The following PCDH11X variants were observed in gnomAD, a reference collection of about 807,000 sequenced individuals.
PCDH11X encodes protocadherin 11 X-linked.
PCDH11X carries 18 observed loss-of-function variants against 53.3 expected under a neutral mutation model. That is an observed-to-expected ratio of 0.34 (90% CI 0.23 to 0.50). The LOEUF (loss-of-function observed/expected upper bound fraction) is 0.50, where lower values mean the gene tolerates loss of function less well. Among genes scored for constraint, PCDH11X ranks in the 20% least tolerant of loss-of-function variants. The pLI is 0.98. For missense variants in PCDH11X, 570 were observed against 1,032.4 expected (o/e 0.55, Z 6.14); for synonymous variants, 279 against 393.3 (o/e 0.71, Z 3.44).
intron 4 of PCDH11X, among the ~76,000 whole-genome samples, chrX:91,827,037 A>G (rs1256035927): frequency 1.8e-5 from 2 of 111,396 alleles, no homozygotes; most frequent in Admixed American, 1.9e-4. Flanking sequence ...AGGAATCACT[A>G]TGCTGCTTCC....
intron 8 of PCDH11X, among the ~76,000 whole-genome samples, chrX:92,269,383 A>C (rs76307201): frequency 0.071 from 7,898 of 111,792 alleles, 478 homozygotes; most frequent in East Asian, 0.28. Flanking sequence ...AATAGTACTA[A>C]GTTTCAGTTG....
chrX:91,918,956 G>A (rs1445557699), intron 6 of PCDH11X, among the ~76,000 whole-genome samples: 1 of 111,138 alleles, frequency 9.0e-6, no homozygotes, highest in African/African-American at 3.3e-5. Flanking sequence ...CTTTTCCTTG[G>A]GCAGTCTAGC....
At chrX:91,971,448 T>C (rs1394175364) in intron 6 of PCDH11X, among the ~76,000 whole-genome samples, 3 of 108,704 alleles carry the variant, frequency 2.8e-5, no homozygotes, top group Non-Finnish European at 3.8e-5. Context: ...GGGAACTATA[T>C]CAGTTGCATA....
chrX:92,272,126 G>A (rs2067974392), intron 8 of PCDH11X, among the ~76,000 whole-genome samples: 1 of 111,542 alleles, frequency 9.0e-6, no homozygotes, highest in Non-Finnish European at 1.9e-5. Context: ...TTAGATGTCT[G>A]CTTTTTTTAT....
intron 6 of PCDH11X, chrX:92,113,149 G>T: frequency 1.2e-6 from 1 of 863,698 alleles, no homozygotes; most frequent in South Asian, 3.0e-5. Context: ...ATGACAAGAT[G>T]TCTATCCCTT....
intron 10 of PCDH11X, among the ~76,000 whole-genome samples, chrX:92,517,373 G>A (rs1489680203): frequency 2.7e-5 from 3 of 111,911 alleles, no homozygotes; most frequent in Non-Finnish European, 5.6e-5. Flanking sequence ...TAGTGACATA[G>A]CTACATCACA....
At chrX:91,935,509 A>G (rs1486697250) in intron 6 of PCDH11X, among the ~76,000 whole-genome samples, 1 of 110,460 alleles carries the variant, frequency 9.1e-6, no homozygotes, top group Non-Finnish European at 1.9e-5. Flanking sequence ...ACACTTTTCA[A>G]TCTCCATAGT....
At chrX:91,944,933 C>A (rs2061553904) in intron 6 of PCDH11X, among the ~76,000 whole-genome samples, 2 of 101,591 alleles carry the variant, frequency 2.0e-5, no homozygotes, top group South Asian at 9.4e-4. Context: ...TCACATGACA[C>A]ATAGTACTAT....
At chrX:92,409,512 C>T (rs2071597938) in intron 9 of PCDH11X, among the ~76,000 whole-genome samples, 1 of 112,234 alleles carries the variant, frequency 8.9e-6, no homozygotes, top group South Asian at 3.6e-4. Context: ...GGTGAACGGG[C>T]TATCTGAATT....
At position 92,121,043 on chromosome X, in the gene PCDH11X, CAT is replaced by C. The variant is rs1196315530; in HGVS notation, c.3034-80329_3034-80328del. On this transcript the variant is annotated intron_variant, in intron 6 of 10. Coordinates refer to ENST00000682573, the MANE Select transcript of PCDH11X (RefSeq NM_032968.5). ...TAAGTATGTAGCTGAGATAAACAAA[CAT>C]ATCTATTATTTTTATGAAAATTAAT... 6.5e-5 allele frequency among the ~76,000 whole-genome samples: 7 copies of C among 108,065 alleles called. No individual in the cohort carries two copies. The East Asian group carries it at 1.5e-3, about 24-fold the overall frequency. 93.8% of individuals were successfully genotyped at this position (108,065 alleles called of 115,157 possible).
chrX:91,871,837 T>C (rs1939329237), intron 5 of PCDH11X, among the ~76,000 whole-genome samples: 1 of 111,456 alleles, frequency 9.0e-6, no homozygotes, highest in Non-Finnish European at 1.9e-5. Flanking sequence ...GTTTTTGTCT[T>C]GGGTTTGCAA....
intron 7 of PCDH11X, among the ~76,000 whole-genome samples, chrX:92,226,915 T>C (rs1340325522): frequency 2.7e-5 from 3 of 111,858 alleles, no homozygotes; most frequent in Non-Finnish European, 1.9e-5. Context: ...TCAAGTGGCT[T>C]GTTTACTTGG....
chrX:92,527,879 C>A (rs2074484131), intron 10 of PCDH11X, among the ~76,000 whole-genome samples: 1 of 111,431 alleles, frequency 9.0e-6, no homozygotes, highest in Admixed American at 9.6e-5. Flanking sequence ...GCAGTAATAT[C>A]CAGCATATTT....
intron 10 of PCDH11X, among the ~76,000 whole-genome samples, chrX:92,490,765 AGAAAGAAAG>A (rs1408423695): frequency 1.0e-5 from 1 of 100,072 alleles, no homozygotes; most frequent in African/African-American, 3.8e-5. Context: ...AGAAAGAGAA[AGAAAGAAAG>A]GAAAGAAAGA....
intron 10 of PCDH11X, among the ~76,000 whole-genome samples, chrX:92,590,373 C>T (rs1226579900): frequency 2.7e-5 from 3 of 111,013 alleles, no homozygotes; most frequent in Non-Finnish European, 5.7e-5. Flanking sequence ...CATCTGGGAT[C>T]CCCTGACCAC....
intron 10 of PCDH11X, among the ~76,000 whole-genome samples, chrX:92,601,731 A>G (rs1926256061): frequency 9.0e-6 from 1 of 110,502 alleles, no homozygotes; most frequent in African/African-American, 3.3e-5. Flanking sequence ...TTCTGCAAGA[A>G]TAGTGAGAGC....
intron 6 of PCDH11X, among the ~76,000 whole-genome samples, chrX:92,059,682 A>G (rs745949355): frequency 5.4e-5 from 6 of 111,258 alleles, no homozygotes; most frequent in Admixed American, 9.6e-5. Flanking sequence ...AAAATAATGT[A>G]GATTTATATC....
At chrX:92,206,848 T>G (rs1037910896) in intron 7 of PCDH11X, among the ~76,000 whole-genome samples, 1 of 111,269 alleles carries the variant, frequency 9.0e-6, no homozygotes, top group Non-Finnish European at 1.9e-5. Context: ...TGTTTTTGTT[T>G]TAATTGGCAA....
intron 9 of PCDH11X, among the ~76,000 whole-genome samples, chrX:92,457,339 C>T (rs1439237331): frequency 4.7e-5 from 5 of 106,823 alleles, no homozygotes; most frequent in Non-Finnish European, 7.8e-5. Flanking sequence ...TGTGTTCATA[C>T]AGTTACAAAG....
Sources: allele counts gnomAD v4.1 joint callset (sites outside exome capture counted in the v4.1 genomes callset), GRCh38; gene constraint gnomAD v4.1.1; transcripts MANE v1.5; gene names NCBI Gene and HGNC (gene_info 2026-07-23, HGNC 2026-07-21).